Variants in DAPP1 observed in about 807,000 individuals in gnomAD.
DAPP1 encodes dual adaptor of phosphotyrosine and 3-phosphoinositides 1.
DAPP1 carries 20 observed loss-of-function variants against 41.5 expected under a neutral mutation model. That is an observed-to-expected ratio of 0.48 (90% confidence interval 0.34 to 0.70). The LOEUF (loss-of-function observed/expected upper bound fraction) is 0.70, where lower values mean the gene tolerates loss of function less well. Ranked by LOEUF, DAPP1 falls within the 30% of genes least tolerant of loss-of-function variation. The pLI is 0.01. For missense variants in DAPP1, 233 were observed against 333.4 expected (o/e 0.70, Z 2.35); for synonymous variants, 113 against 116.2 (o/e 0.97, Z 0.18).
At chr4:99,860,236 C>A (rs1272999733) in intron 4 of DAPP1, among the ~76,000 whole-genome samples, 1 of 152,196 alleles carries the variant, frequency 6.6e-6, no homozygotes, top group Non-Finnish European at 1.5e-5. Context: ...GCTTACCTAT[C>A]AAAACCTTAG....
At chr4:99,861,729 G>A (rs956608648) in intron 5 of DAPP1, 104 bp downstream of exon 5, 25 of 1,320,978 alleles carry the variant, frequency 1.9e-5, no homozygotes, top group Non-Finnish European at 2.7e-5. Flanking sequence ...ATAATTGCCT[G>A]CTCATTTTAA....
chr4:99,847,362 C>T (rs1723700796), intron 3 of DAPP1, among the ~76,000 whole-genome samples: 1 of 152,114 alleles, frequency 6.6e-6, no homozygotes, highest in Non-Finnish European at 1.5e-5. Context: ...GATAAAGGGT[C>T]CTTCAATGCA....
At chr4:99,836,718 C>A (rs1723313040) in intron 2 of DAPP1, among the ~76,000 whole-genome samples, 1 of 152,210 alleles carries the variant, frequency 6.6e-6, no homozygotes, top group Non-Finnish European at 1.5e-5. Flanking sequence ...TCTCTTTGGG[C>A]TCTGGGCCTT....
At chr4:99,856,218 C>T (rs1170908060) in intron 4 of DAPP1, among the ~76,000 whole-genome samples, 1 of 151,754 alleles carries the variant, frequency 6.6e-6, no homozygotes, top group East Asian at 1.9e-4. Context: ...AGATCACAGA[C>T]AATAATCAAT....
chr4:99,824,017 A>G (rs191496088), intron 1 of DAPP1, among the ~76,000 whole-genome samples: 6 of 152,344 alleles, frequency 3.9e-5, no homozygotes, highest in Admixed American at 2.0e-4. Context: ...TTGCTTTATC[A>G]GTATAAATTT....
intron 3 of DAPP1, among the ~76,000 whole-genome samples, chr4:99,841,246 G>T (rs1230368781): frequency 6.6e-6 from 1 of 152,196 alleles, no homozygotes; most frequent in Non-Finnish European, 1.5e-5. Flanking sequence ...AAACTTGCCA[G>T]TGGGCTTTCT....
chr4:99,847,331 T>TAAA (rs1723699494), intron 3 of DAPP1, among the ~76,000 whole-genome samples: 3 of 152,236 alleles, frequency 2.0e-5, no homozygotes, highest in African/African-American at 7.2e-5. Context: ...ACTCTCTTTC[T>TAAA]GAGTTCCTGC....
At chr4:99,835,550 C>A in intron 1 of DAPP1, 73 bp from the exon 2 acceptor site, 1 of 1,565,614 alleles carries the variant, frequency 6.4e-7, no homozygotes, top group Non-Finnish European at 8.6e-7. Flanking sequence ...GTAATCTTTG[C>A]AAGGAAAAGC....
intron 1 of DAPP1, among the ~76,000 whole-genome samples, chr4:99,825,701 CACACT>C (rs1284602194): frequency 6.6e-6 from 1 of 152,192 alleles, no homozygotes; most frequent in African/African-American, 2.4e-5. Flanking sequence ...CCCTGTATAT[CACACT>C]ACACCTGTCT....
Position 99,868,373 on chromosome 4 carries a change from C to CCAT in DAPP1, c.*190_*192dup. The stretch of plus-strand genomic sequence containing the variant: ...ACGTTGCTGCCCTTCCATGATGTTG[C>CCAT]CATCTCCTTGAGAACACTGAAGCAA... On this transcript the variant is annotated 3_prime_UTR_variant, in exon 9 of 9. Coordinates refer to ENST00000512369, the MANE Select transcript of DAPP1 (RefSeq NM_014395.3). The CCAT allele has an allele frequency of 1.7e-6, 1 of 603,246 alleles. No homozygotes were observed. The highest frequency in any genetic ancestry group is 2.9e-6 in the Non-Finnish European group (1 of 339,362). 37.4% of individuals were successfully genotyped at this position (603,246 alleles called of 1,614,324 possible). A position where few individuals can be genotyped will look rare whatever the true frequency, so the allele number is the denominator to read the frequency against.
At chr4:99,831,313 A>G (rs1723112313) in intron 1 of DAPP1, among the ~76,000 whole-genome samples, 1 of 152,128 alleles carries the variant, frequency 6.6e-6, no homozygotes, top group South Asian at 2.1e-4. Context: ...GACATCATGA[A>G]CAAGACAATT....
At chr4:99,818,237 C>G (rs1016462321) in intron 1 of DAPP1, among the ~76,000 whole-genome samples, 1 of 152,168 alleles carries the variant, frequency 6.6e-6, no homozygotes, top group Admixed American at 6.5e-5. Flanking sequence ...GCTCTAGAAT[C>G]TCTCTATCCC....
intron 2 of DAPP1, among the ~76,000 whole-genome samples, chr4:99,836,129 T>A (rs141594734): frequency 2.0e-5 from 3 of 152,346 alleles, no homozygotes; most frequent in African/African-American, 7.2e-5. Flanking sequence ...AAATGCAGAA[T>A]GATTTATGAC....
At chr4:99,832,064 C>T (rs1723141626) in intron 1 of DAPP1, among the ~76,000 whole-genome samples, 1 of 151,410 alleles carries the variant, frequency 6.6e-6, no homozygotes, top group African/African-American at 2.4e-5. Context: ...TAGAACATCC[C>T]TTGGGTACTT....
downstream of DAPP1, among the ~76,000 whole-genome samples, chr4:99,872,237 C>T (rs568836878): frequency 3.3e-5 from 5 of 152,292 alleles, no homozygotes; most frequent in South Asian, 2.1e-4. Context: ...CCAGATGCAT[C>T]GTTGGTATAG....
At chr4:99,868,008 A>G (rs1724519809) in intron 8 of DAPP1, 109 bp from the exon 9 acceptor site, 5 of 961,796 alleles carry the variant, frequency 5.2e-6, no homozygotes, top group Non-Finnish European at 8.3e-6. Context: ...ATTAACTTAG[A>G]GTTGTATGAC....
chr4:99,824,374 A>G (rs761680039), intron 1 of DAPP1, among the ~76,000 whole-genome samples: 18 of 152,350 alleles, frequency 1.2e-4, no homozygotes, highest in African/African-American at 1.9e-4. Context: ...CACTGAACCA[A>G]CGCTGATGAT....
intron 2 of DAPP1, among the ~76,000 whole-genome samples, chr4:99,839,702 T>C (rs1379358648): frequency 1.3e-5 from 2 of 152,194 alleles, no homozygotes; most frequent in Non-Finnish European, 2.9e-5. Flanking sequence ...AGCAGCATAA[T>C]GTTCAAGGAC....
chr4:99,835,535 G>A, intron 1 of DAPP1, 88 bp from the exon 2 acceptor site: 1 of 1,539,688 alleles, frequency 6.5e-7, no homozygotes, highest in African/African-American at 1.4e-5. Flanking sequence ...GAAGAATGTT[G>A]CTAGGTAATC....
Sources: gnomAD v4.1 joint callset for allele counts (sites outside exome capture counted in the v4.1 genomes callset) on GRCh38, gnomAD v4.1.1 for gene constraint, MANE v1.5 for transcripts, NCBI Gene and HGNC (gene_info 2026-07-23, HGNC 2026-07-21) for gene names.